Variants in GRP observed in about 807,000 individuals in gnomAD.
The protein encoded by GRP is gastrin-releasing peptide.
Under a neutral mutation model 12.7 loss-of-function variants are expected in GRP, and 11 were observed. The observed-to-expected ratio is 0.87, with a 90% CI of 0.55 to 1.44. The LOEUF is 1.44. Ranked by LOEUF, GRP falls within the 40% of genes most tolerant of loss-of-function variation. The pLI is 0.00. For missense variants in GRP, 212 were observed against 185.4 expected, an observed-to-expected ratio of 1.14 and a Z score of -0.83; for synonymous variants, 84 against 77.7, an observed-to-expected ratio of 1.08 and a Z score of -0.43.
chr18:59,219,570 A>G (rs1603382663), upstream of GRP, among the ~76,000 whole-genome samples: 7 of 88,380 alleles, frequency 7.9e-5, no homozygotes, highest in East Asian at 3.9e-4. Flanking sequence ...AGAGGAGGGG[A>G]GAGGAGGGGA....
upstream of GRP, among the ~76,000 whole-genome samples, chr18:59,219,489 T>TGGAGGGGAGGGG (rs2069791923): frequency 1.2e-4 from 1 of 8,534 alleles, no homozygotes; most frequent in South Asian, 5.9e-3. Flanking sequence ...GAGGGGAGGG[T>TGGAGGGGAGGGG]ATGGGAGTGG....
chr18:59,220,400 G>A lies in GRP; in HGVS notation c.135G>A (p.Ala45=), dbSNP rs765033630. 7 of 1,376,604 alleles carry A rather than the reference G, an allele frequency of 5.1e-6. No individual in the cohort carries two copies. Among genetic ancestry groups the A allele is most frequent in the Non-Finnish European group, 6.6e-6 (7 of 1,062,146 alleles). 85.3% of individuals were successfully genotyped at this position (1,376,604 alleles called of 1,614,324 possible). ...TKMYPRGNHW[A]VGHLMGKKST... is the part of the protein sequence containing the mutation. ...TGTACCCGCGCGGCAACCACTGGGC[G>A]GTGGGTGAGTGTCCTGGCCGCGGGA... The change falls in exon 1 of 3, where the codon GCG becomes GCA. Residue 45 remains alanine (A), a synonymous_variant. Coordinates refer to ENST00000256857, the MANE Select transcript of GRP (RefSeq NM_002091.5).
chr18:59,224,089 T>C (rs539503454), intron 1 of GRP, among the ~76,000 whole-genome samples: 29 of 152,340 alleles, frequency 1.9e-4, no homozygotes, highest in African/African-American at 7.0e-4. Context: ...TTGTAGACCT[T>C]ATCCTTATTT....
chr18:59,229,410 C>A (rs930880945), intron 2 of GRP, among the ~76,000 whole-genome samples: 5 of 152,114 alleles, frequency 3.3e-5, no homozygotes, highest in Non-Finnish European at 7.4e-5. Flanking sequence ...ACCAATGACT[C>A]ATAAGGCAAG....
At chr18:59,224,959 T>A (rs1461199817) in intron 1 of GRP, among the ~76,000 whole-genome samples, 1 of 151,990 alleles carries the variant, frequency 6.6e-6, no homozygotes, top group African/African-American at 2.4e-5. Context: ...TCCTTTGGTA[T>A]TTTTTTTATT....
chr18:59,221,980 T>A (rs1249991926), intron 1 of GRP, among the ~76,000 whole-genome samples: 1 of 152,114 alleles, frequency 6.6e-6, no homozygotes, highest in East Asian at 1.9e-4. Flanking sequence ...ATTTCAAGAA[T>A]GAAGGATGCT....
At chr18:59,225,376 G>C (rs2069900442) in intron 1 of GRP, 116 bp from the exon 2 acceptor site, 1 of 948,734 alleles carries the variant, frequency 1.1e-6, no homozygotes, top group Non-Finnish European at 1.6e-6. Flanking sequence ...GATTTATTCT[G>C]CATTTAGGAG....
chr18:59,220,135 GTA>G, upstream of GRP: 3 of 335,886 alleles, frequency 8.9e-6, no homozygotes, highest in African/African-American at 4.5e-5. Context: ...TCCATATAAA[GTA>G]GGGGCCCTAG....
At chr18:59,222,739 A>G (rs2069855485) in intron 1 of GRP, among the ~76,000 whole-genome samples, 1 of 152,250 alleles carries the variant, frequency 6.6e-6, no homozygotes, top group Admixed American at 6.5e-5. Context: ...AGGCTTGGTA[A>G]GTAAATTGCT....
chr18:59,228,582 A>G (rs2069980011), intron 2 of GRP, among the ~76,000 whole-genome samples: 1 of 152,218 alleles, frequency 6.6e-6, no homozygotes, highest in Non-Finnish European at 1.5e-5. Flanking sequence ...TGTAATGTGC[A>G]CTGAAACTAG....
chr18:59,228,997 T>C (rs2069987693), intron 2 of GRP, among the ~76,000 whole-genome samples: 1 of 152,192 alleles, frequency 6.6e-6, no homozygotes, highest in Admixed American at 6.5e-5. Flanking sequence ...AGAAAGTAAA[T>C]GTGTTCGTTC....
chr18:59,226,871 T>C (rs1395066015), intron 2 of GRP, among the ~76,000 whole-genome samples: 1 of 152,234 alleles, frequency 6.6e-6, no homozygotes, highest in African/African-American at 2.4e-5. Context: ...GCTGGCTTTC[T>C]GGAGGGAAGC....
At chr18:59,223,156 G>T (rs1346453940) in intron 1 of GRP, among the ~76,000 whole-genome samples, 4 of 152,062 alleles carry the variant, frequency 2.6e-5, no homozygotes, top group Non-Finnish European at 5.9e-5. Context: ...AAGAACAAAA[G>T]CTCTTTTTTT....
At chr18:59,228,304 C>A (rs2069976262) in intron 2 of GRP, among the ~76,000 whole-genome samples, 1 of 152,134 alleles carries the variant, frequency 6.6e-6, no homozygotes, top group South Asian at 2.1e-4. Context: ...TCTATTAGAA[C>A]CCATATATCT....
chr18:59,225,843 A>G (rs2069912229), intron 2 of GRP, 109 bp downstream of exon 2: 2 of 961,458 alleles, frequency 2.1e-6, no homozygotes, highest in African/African-American at 3.3e-5. Flanking sequence ...AAACCTTCAC[A>G]GTCACTACAT....
At chr18:59,222,878 C>T (rs564037344) in intron 1 of GRP, among the ~76,000 whole-genome samples, 1 of 152,206 alleles carries the variant, frequency 6.6e-6, no homozygotes, top group African/African-American at 2.4e-5. Flanking sequence ...TATGACAACA[C>T]TTATACTGGC....
chr18:59,228,822 G>A (rs1213636274), intron 2 of GRP, among the ~76,000 whole-genome samples: 2 of 152,150 alleles, frequency 1.3e-5, no homozygotes, highest in East Asian at 3.9e-4. Context: ...CCATGATCCT[G>A]GATGTGGTTG....
Position 59,225,709 on chromosome 18 carries a change from C to A in GRP, c.357C>A (p.Phe119Leu). The A allele has an allele frequency of 6.2e-7, 1 of 1,613,922 alleles. No individual in the cohort carries two copies. The highest frequency in any genetic ancestry group is 8.5e-7 in the Non-Finnish European group (1 of 1,179,938). ...GGGATTCAGAGGATAGCAGCAACTTCAAAGATGTAGGTTCAAAAGGCAAAG... is the reference window on the plus strand; with the variant it reads ...GGGATTCAGAGGATAGCAGCAACTTAAAAGATGTAGGTTCAAAAGGCAAAG... The part of the protein sequence containing the change: ...PSWDSEDSSN[F>L]KDVGSKGKVG... The change falls in exon 2 of 3, where the codon TTC becomes TTA. Residue 119 changes from phenylalanine (F) to leucine (L), a missense_variant. Coordinates refer to ENST00000256857, the MANE Select transcript of GRP (RefSeq NM_002091.5).
At chr18:59,227,780 T>C (rs756145328) in intron 2 of GRP, among the ~76,000 whole-genome samples, 3 of 152,210 alleles carry the variant, frequency 2.0e-5, no homozygotes, top group Non-Finnish European at 2.9e-5. Flanking sequence ...CAAATTCAAC[T>C]CCTTCCTTAA....
Sources: allele counts gnomAD v4.1 joint callset (sites outside exome capture counted in the v4.1 genomes callset), GRCh38; gene constraint gnomAD v4.1.1; transcripts MANE v1.5; gene names NCBI Gene and HGNC (gene_info 2026-07-23, HGNC 2026-07-21).